The following LINGO2 variants were observed in gnomAD, a reference collection of about 807,000 sequenced individuals.
LINGO2 encodes leucine rich repeat and Ig domain containing 2.
LINGO2 carries 14 observed loss-of-function variants against 30.6 expected under a neutral mutation model. The ratio of observed to expected loss-of-function variants is 0.46; its 90% CI spans 0.30 to 0.72. The LOEUF is 0.72. LINGO2 is among the 30% of genes least tolerant of loss of function. The pLI, the probability that LINGO2 is intolerant of heterozygous loss-of-function variation, is 0.07. For synonymous variants in LINGO2, 317 were observed against 288.5 expected (o/e 1.10, Z -1.00); for missense variants, 729 against 751.7 (o/e 0.97, Z 0.35).
the LINGO2 span, among the ~76,000 whole-genome samples, chr9:28,979,667 T>C: frequency 2.0e-5 from 3 of 151,900 alleles, no homozygotes; most frequent in Non-Finnish European, 4.4e-5. Context: ...GCCATACTCA[T>C]ATGAAAAATG....
chr9:28,797,828 C>G, the LINGO2 span, among the ~76,000 whole-genome samples: 3 of 151,932 alleles, frequency 2.0e-5, no homozygotes, highest in African/African-American at 7.3e-5. Flanking sequence ...GTAGTTAGAG[C>G]AGTAGAAATG....
intron 1 of LINGO2, among the ~76,000 whole-genome samples, chr9:28,663,115 T>G (rs771898053): frequency 1.1e-4 from 16 of 151,636 alleles, no homozygotes; most frequent in Non-Finnish European, 2.2e-4. Context: ...TTCAAGCTTC[T>G]TTTCTGCCGA....
chr9:28,271,541 T>C (rs983088671), intron 4 of LINGO2, among the ~76,000 whole-genome samples: 1 of 152,174 alleles, frequency 6.6e-6, no homozygotes. Context: ...TTCAAAATAT[T>C]AAACTAAAGA....
At chr9:28,552,998 G>A (rs549818983) in intron 1 of LINGO2, among the ~76,000 whole-genome samples, 74 of 151,656 alleles carry the variant, frequency 4.9e-4, no homozygotes, top group African/African-American at 1.1e-3. Flanking sequence ...ACTTTTCTCC[G>A]AGTTATTGTT....
At position 28,319,461 on chromosome 9, in the gene LINGO2, A is replaced by T. The variant is rs569311773; in HGVS notation, c.-245-24095T>A. Reference sequence around the variant, plus strand: ...TTGTATCTACAAAATTGCTTTTATCATGTAAAATAAGAGATTTATAAGTTT... The same window carrying T: ...TTGTATCTACAAAATTGCTTTTATCTTGTAAAATAAGAGATTTATAAGTTT... On this transcript the variant is annotated intron_variant, in intron 3 of 5. Transcript: ENST00000379992. Among the ~76,000 whole-genome samples, 6 of 152,272 alleles carry T rather than the reference A, an allele frequency of 3.9e-5. No individual in the cohort carries two copies. In the East Asian group the frequency reaches 1.2e-3, roughly 29 times the overall value.
intron 4 of LINGO2, among the ~76,000 whole-genome samples, chr9:28,236,301 C>G (rs564201154): frequency 3.2e-4 from 49 of 152,068 alleles, no homozygotes; most frequent in Non-Finnish European, 5.7e-4. Flanking sequence ...TCATCAACAC[C>G]AGACCTGTCC....
chr9:28,693,683 C>A, the LINGO2 span, among the ~76,000 whole-genome samples: 1 of 152,082 alleles, frequency 6.6e-6, no homozygotes, highest in Non-Finnish European at 1.5e-5. Flanking sequence ...CAAAGTACAG[C>A]TCTGAAATGT....
intron 5 of LINGO2, among the ~76,000 whole-genome samples, chr9:27,963,070 C>T (rs766980633): frequency 9.2e-5 from 14 of 152,110 alleles, no homozygotes; most frequent in Non-Finnish European, 1.3e-4. Context: ...AATGTGTGCT[C>T]ACTTATACCT....
At chr9:28,185,847 C>G (rs1305321872) in intron 4 of LINGO2, among the ~76,000 whole-genome samples, 2 of 152,096 alleles carry the variant, frequency 1.3e-5, no homozygotes, top group Non-Finnish European at 2.9e-5. Context: ...ATCTTTTATA[C>G]TTTATAGTCT....
downstream of LINGO2, among the ~76,000 whole-genome samples, chr9:27,947,739 G>T (rs1823423007): frequency 6.6e-6 from 1 of 152,146 alleles, no homozygotes; most frequent in Non-Finnish European, 1.5e-5. Flanking sequence ...TTAACATCAT[G>T]TTATGTATGT....
At chr9:28,401,977 G>C (rs1316033655) in intron 2 of LINGO2, among the ~76,000 whole-genome samples, 1 of 151,786 alleles carries the variant, frequency 6.6e-6, no homozygotes. Flanking sequence ...ACCTTTTGAT[G>C]GGGTTGTGTT....
chr9:28,613,484 A>AACACACAC (rs76554951), intron 1 of LINGO2, among the ~76,000 whole-genome samples: 42 of 150,924 alleles, frequency 2.8e-4, no homozygotes, highest in Admixed American at 8.6e-4. Context: ...CTACTATGAA[A>AACACACAC]ACACACACAC....
intron 4 of LINGO2, chr9:28,149,079 T>G (rs1302369412): frequency 6.5e-7 from 1 of 1,534,208 alleles, no homozygotes; most frequent in Non-Finnish European, 8.7e-7. Context: ...GCACTGTTGG[T>G]GGGTCAGGCT....
the LINGO2 span, among the ~76,000 whole-genome samples, chr9:28,898,926 A>T: frequency 6.0e-4 from 92 of 152,098 alleles, 1 homozygote; most frequent in African/African-American, 2.2e-3. Context: ...CCTAAAATGA[A>T]AGTTAAACAA....
the LINGO2 span, among the ~76,000 whole-genome samples, chr9:29,072,717 G>A: frequency 6.6e-6 from 1 of 150,524 alleles, no homozygotes. Flanking sequence ...TTGTCATCCT[G>A]TCTTTCCCTC....
chr9:28,346,467 T>C (rs1233725582), intron 3 of LINGO2, among the ~76,000 whole-genome samples: 1 of 152,180 alleles, frequency 6.6e-6, no homozygotes, highest in African/African-American at 2.4e-5. Flanking sequence ...GTTCCATGTC[T>C]TTGCTATTGT....
intron 1 of LINGO2, among the ~76,000 whole-genome samples, chr9:28,525,542 C>T (rs1022162346): frequency 1.3e-5 from 2 of 152,052 alleles, no homozygotes; most frequent in African/African-American, 4.8e-5. Flanking sequence ...GAACATTATG[C>T]TAAGTAAAAG....
intron 4 of LINGO2, among the ~76,000 whole-genome samples, chr9:28,140,815 A>G (rs916715303): frequency 2.0e-5 from 3 of 152,118 alleles, no homozygotes; most frequent in Non-Finnish European, 4.4e-5. Context: ...TCATTCTTTT[A>G]TGTATCTCTA....
chr9:28,724,319 GGAA>G, the LINGO2 span, among the ~76,000 whole-genome samples: 1 of 152,074 alleles, frequency 6.6e-6, no homozygotes. Flanking sequence ...ATAAGGAAGG[GGAA>G]GACTCAGATG....
Sources: allele counts gnomAD v4.1 joint callset (sites outside exome capture counted in the v4.1 genomes callset), GRCh38; gene constraint gnomAD v4.1.1; transcripts MANE v1.5; gene names NCBI Gene and HGNC (gene_info 2026-07-23, HGNC 2026-07-21).